Variants in TAF8 observed in about 807,000 individuals in gnomAD.
TAF8 encodes transcription initiation factor TFIID subunit 8.
A neutral mutation model predicts 36.5 loss-of-function variants in TAF8; 47 were observed. The ratio of observed to expected loss-of-function variants is 1.29; its 90% confidence interval spans 1.02 to 1.64. The LOEUF (loss-of-function observed/expected upper bound fraction) is 1.64, where lower values mean the gene tolerates loss of function less well. TAF8 is among the 40% of genes most tolerant of loss of function. The probability of loss-of-function intolerance (pLI) is 0.00; values close to 1 mark genes in which losing one functional copy is unlikely to be tolerated. For missense variants in TAF8, 420 were observed against 407.6 expected (o/e 1.03, Z -0.26); for synonymous variants, 175 against 159.5 (o/e 1.10, Z -0.73).
intron 1 of TAF8, chr6:42,050,800 T>G: frequency 3.3e-6 from 3 of 902,044 alleles, no homozygotes; most frequent in Non-Finnish European, 4.6e-6. Flanking sequence ...CGTTCGCTGT[T>G]GGGGGTTGGG....
At chr6:42,084,111 G>C (rs1365196660), downstream of TAF8, among the ~76,000 whole-genome samples, 1 of 150,872 alleles carries the variant, frequency 6.6e-6, no homozygotes, top group African/African-American at 2.4e-5. Context: ...AACCCGGGAG[G>C]CGGAGCTTGC....
At chr6:42,062,558 C>CA (rs1224840168) in intron 5 of TAF8, among the ~76,000 whole-genome samples, 1 of 85,056 alleles carries the variant, frequency 1.2e-5, no homozygotes, top group Non-Finnish European at 2.1e-5. Context: ...TTTTTTGAGA[C>CA]AGAGTCTTGC....
intron 2 of TAF8, among the ~76,000 whole-genome samples, chr6:42,053,160 G>A (rs765639383): frequency 6.6e-6 from 1 of 152,112 alleles, no homozygotes; most frequent in Non-Finnish European, 1.5e-5. Flanking sequence ...CCACATAGCT[G>A]GGACTACAGG....
chr6:42,062,051 C>T (rs939913184), intron 5 of TAF8, among the ~76,000 whole-genome samples: 4 of 152,142 alleles, frequency 2.6e-5, no homozygotes, highest in Non-Finnish European at 5.9e-5. Flanking sequence ...CTCTCCCTCT[C>T]CTCTTTTTTT....
intron 5 of TAF8, among the ~76,000 whole-genome samples, chr6:42,064,739 C>T (rs1399286164): frequency 2.0e-5 from 3 of 150,604 alleles, no homozygotes; most frequent in South Asian, 4.2e-4. Context: ...GGGTGGATCA[C>T]AAGGTCAGGA....
intron 5 of TAF8, among the ~76,000 whole-genome samples, chr6:42,064,334 C>A (rs1472363038): frequency 1.3e-5 from 2 of 151,706 alleles, no homozygotes; most frequent in Non-Finnish European, 2.9e-5. Context: ...CTCACTTCAA[C>A]CTCTGTCTCC....
downstream of TAF8, among the ~76,000 whole-genome samples, chr6:42,085,659 A>G (rs549349968): frequency 1.3e-5 from 2 of 151,838 alleles, no homozygotes; most frequent in South Asian, 4.2e-4. Flanking sequence ...CCCTATCTCC[A>G]TAAAAATTAA....
chr6:42,061,655 A>G (rs1038483452), intron 5 of TAF8, among the ~76,000 whole-genome samples: 2 of 152,216 alleles, frequency 1.3e-5, no homozygotes, highest in African/African-American at 2.4e-5. Flanking sequence ...TAGAAGTTTT[A>G]TGTAATTTTG....
At chr6:42,075,359 G>A (rs1432359889) in intron 7 of TAF8, among the ~76,000 whole-genome samples, 1 of 152,168 alleles carries the variant, frequency 6.6e-6, no homozygotes, top group Non-Finnish European at 1.5e-5. Flanking sequence ...ATTGGGTGCT[G>A]GAGAGGGAAA....
intron 5 of TAF8, among the ~76,000 whole-genome samples, chr6:42,064,027 C>T (rs1282510777): frequency 6.6e-6 from 1 of 152,140 alleles, no homozygotes; most frequent in Non-Finnish European, 1.5e-5. Context: ...TGGTACATCA[C>T]AAACATATGT....
chr6:42,064,583 A>G (rs1765295086), intron 5 of TAF8, among the ~76,000 whole-genome samples: 1 of 152,076 alleles, frequency 6.6e-6, no homozygotes, highest in Non-Finnish European at 1.5e-5. Flanking sequence ...CACGTCAGAA[A>G]ATTCTGTTTC....
In TAF8 at chr6:42,077,830, A is replaced by G. The variant is rs970942286; in HGVS notation, c.*285A>G. The G allele has an allele frequency of 9.3e-7, 1 of 1,070,082 alleles. No individual in the cohort carries two copies. Among genetic ancestry groups the G allele is most frequent in the Non-Finnish European group, 1.2e-6 (1 of 827,348 alleles). 66.3% of individuals were successfully genotyped at this position (1,070,082 alleles called of 1,614,324 possible). On this transcript the variant is annotated 3_prime_UTR_variant, in exon 9 of 9. Coordinates refer to ENST00000372977, the MANE Select transcript of TAF8 (RefSeq NM_138572.3). ...GAATGCAGTGGTGTGATCTCAGCTCACTGCAGTCTCAGCAACCCTGGGTCC... is the reference window on the plus strand; with the variant it reads ...GAATGCAGTGGTGTGATCTCAGCTCGCTGCAGTCTCAGCAACCCTGGGTCC...
At chr6:42,062,668 G>T (rs1474468352) in intron 5 of TAF8, among the ~76,000 whole-genome samples, 1 of 150,430 alleles carries the variant, frequency 6.6e-6, no homozygotes, top group Non-Finnish European at 1.5e-5. Flanking sequence ...CTCCCAAGTG[G>T]CTGGGACTAC....
At chr6:42,059,915 A>G (rs1293416256) in intron 5 of TAF8, among the ~76,000 whole-genome samples, 4 of 152,186 alleles carry the variant, frequency 2.6e-5, no homozygotes, top group Non-Finnish European at 5.9e-5. Flanking sequence ...AAGGCTATCA[A>G]TTGCTCTGGC....
At chr6:42,069,056 A>G (rs1029717495) in intron 7 of TAF8, among the ~76,000 whole-genome samples, 23 of 151,818 alleles carry the variant, frequency 1.5e-4, no homozygotes, top group Non-Finnish European at 2.8e-4. Context: ...CAGCAGATGC[A>G]AAGGCCCTGA....
rs1765915995 is a variant in TAF8, at chr6:42,081,205, G to C, written c.*3660G>C. On this transcript the variant is annotated 3_prime_UTR_variant, in exon 9 of 9. Coordinates refer to ENST00000372977, the MANE Select transcript of TAF8 (RefSeq NM_138572.3). ...TGTGTGTGTGTGCGTGTGTGTGCGTGTGAGACAGAGTTTCGCGCTGGAGTG... is the reference window on the plus strand; with the variant it reads ...TGTGTGTGTGTGCGTGTGTGTGCGTCTGAGACAGAGTTTCGCGCTGGAGTG... 1 of 154,542 alleles carries C rather than the reference G, an allele frequency of 6.5e-6. No individual in the cohort carries two copies. The highest frequency in any genetic ancestry group is 1.4e-5 in the Non-Finnish European group (1 of 70,418). The allele number at this position is 154,542 out of a possible 1,614,324, so 9.6% of individuals were successfully genotyped here. A position where few individuals can be genotyped will look rare whatever the true frequency, so the allele number is the denominator to read the frequency against.
intron 5 of TAF8, among the ~76,000 whole-genome samples, chr6:42,058,631 G>T (rs557715783): frequency 6.6e-6 from 1 of 152,272 alleles, no homozygotes; most frequent in East Asian, 1.9e-4. Flanking sequence ...GGGGGAGAGG[G>T]AATAGTAGCT....
rs545473580 is a variant in TAF8 at position 42,054,576 on chromosome 6, C to T, written c.203-955C>T. Among the ~76,000 whole-genome samples the T allele has an allele frequency of 6.6e-5, 10 of 152,172 alleles. No homozygotes were observed. In the South Asian group the frequency reaches 8.3e-4, roughly 13 times the overall value. On this transcript the variant is annotated intron_variant, in intron 2 of 8. Coordinates refer to ENST00000372977, the MANE Select transcript of TAF8 (RefSeq NM_138572.3). ...AGAATCTTTATTTGTCTTTTTATGT[C>T]TACCTTATTTCACTTAGCATAATGT...
downstream of TAF8, chr6:42,086,606 C>G: frequency 1.9e-6 from 2 of 1,046,758 alleles, no homozygotes; most frequent in East Asian, 5.2e-5. Flanking sequence ...AGCAGCTCCC[C>G]TGATCTGCGG....
Sources: allele counts gnomAD v4.1 joint callset (sites outside exome capture counted in the v4.1 genomes callset), GRCh38; gene constraint gnomAD v4.1.1; transcripts MANE v1.5; gene names NCBI Gene and HGNC (gene_info 2026-07-23, HGNC 2026-07-21).